ANAPC10: variants seen among roughly 807,000 people sequenced by gnomAD.
The protein encoded by ANAPC10 is anaphase-promoting complex subunit 10.
In ANAPC10, 12 loss-of-function variants were observed where a neutral mutation model predicts 22.0. That is an observed-to-expected ratio of 0.55 (90% CI 0.35 to 0.88). The LOEUF (loss-of-function observed/expected upper bound fraction) is 0.88, where lower values mean the gene tolerates loss of function less well. Ranked by LOEUF, ANAPC10 falls within the 40% of genes least tolerant of loss-of-function variation. The probability of loss-of-function intolerance (pLI) is 0.01; values close to 1 mark genes in which losing one functional copy is unlikely to be tolerated. For synonymous variants in ANAPC10, 65 were observed against 69.5 expected, an observed-to-expected ratio of 0.94 and a Z score of 0.32; for missense variants, 188 against 220.9, an observed-to-expected ratio of 0.85 and a Z score of 0.94.
chr4:144,996,155 G>A (rs1263086924), intron 4 of ANAPC10, among the ~76,000 whole-genome samples: 2 of 152,124 alleles, frequency 1.3e-5, no homozygotes, highest in Admixed American at 1.3e-4. Context: ...CCTGGATGTG[G>A]GGAAACAATA....
intron 4 of ANAPC10, among the ~76,000 whole-genome samples, chr4:145,050,265 T>A (rs186093848): frequency 5.3e-4 from 80 of 152,312 alleles, no homozygotes; most frequent in African/African-American, 1.8e-3. Context: ...AAGCATAGTG[T>A]TTTGAAATAA....
chr4:145,075,073 G>A (rs1745002841), intron 3 of ANAPC10, among the ~76,000 whole-genome samples: 1 of 151,902 alleles, frequency 6.6e-6, no homozygotes, highest in Non-Finnish European at 1.5e-5. Context: ...CTTTATCAGT[G>A]TTAGCAGGGG....
At chr4:145,058,976 C>T (rs1742477734) in intron 4 of ANAPC10, among the ~76,000 whole-genome samples, 1 of 152,078 alleles carries the variant, frequency 6.6e-6, no homozygotes, top group Non-Finnish European at 1.5e-5. Flanking sequence ...AGTTATGAAA[C>T]TACTTTTTTA....
intron 4 of ANAPC10, among the ~76,000 whole-genome samples, chr4:145,034,523 T>TTATATATATATATATATATATA (rs370113295): frequency 9.9e-4 from 91 of 91,544 alleles, no homozygotes; most frequent in African/African-American, 3.5e-3. Flanking sequence ...AAACTCTCCT[T>TTATATATATATATATATATATA]TATATATATA....
intron 2 of ANAPC10, among the ~76,000 whole-genome samples, chr4:145,092,462 C>T (rs1747819338): frequency 6.6e-6 from 1 of 152,044 alleles, no homozygotes; most frequent in South Asian, 2.1e-4. Context: ...ACAGATTGTC[C>T]CAACTGTAGT....
At chr4:145,037,413 C>T (rs1738745969) in intron 4 of ANAPC10, among the ~76,000 whole-genome samples, 1 of 151,474 alleles carries the variant, frequency 6.6e-6, no homozygotes, top group South Asian at 2.1e-4. Flanking sequence ...TACACCCAGC[C>T]CTATCACCAT....
intron 4 of ANAPC10, among the ~76,000 whole-genome samples, chr4:145,055,382 A>T (rs1337299882): frequency 6.6e-6 from 1 of 152,044 alleles, no homozygotes; most frequent in Admixed American, 6.5e-5. Context: ...AAATGGTGAA[A>T]CCCTGTCTAC....
At chr4:145,094,736 G>A (rs1748229210) in intron 2 of ANAPC10, among the ~76,000 whole-genome samples, 1 of 151,762 alleles carries the variant, frequency 6.6e-6, no homozygotes, top group Non-Finnish European at 1.5e-5. Context: ...TCTGGCAAAT[G>A]CCATGAACTC....
chr4:145,076,845 T>C (rs1040483576), intron 3 of ANAPC10, among the ~76,000 whole-genome samples: 2 of 152,204 alleles, frequency 1.3e-5, no homozygotes, highest in African/African-American at 4.8e-5. Flanking sequence ...ACACACCAAG[T>C]TGAGGAAAGA....
At chr4:145,082,235 C>T (rs374425497) in intron 2 of ANAPC10, among the ~76,000 whole-genome samples, 37 of 152,336 alleles carry the variant, frequency 2.4e-4, no homozygotes, top group East Asian at 1.4e-3. Flanking sequence ...TTGCAACCTC[C>T]GCCTCCCGGA....
At chr4:145,010,095 G>A (rs1560817833) in intron 4 of ANAPC10, among the ~76,000 whole-genome samples, 1 of 152,152 alleles carries the variant, frequency 6.6e-6, no homozygotes, top group African/African-American at 2.4e-5. Context: ...CTGGCCATCA[G>A]AGAAATGCAA....
chr4:145,065,569 G>T (rs1466265620), intron 3 of ANAPC10, among the ~76,000 whole-genome samples: 5 of 151,748 alleles, frequency 3.3e-5, no homozygotes, highest in Admixed American at 3.3e-4. Flanking sequence ...TGGCCTTGGA[G>T]AAAAAAATGG....
At chr4:145,040,925 A>G (rs1203487453) in intron 4 of ANAPC10, among the ~76,000 whole-genome samples, 1 of 152,212 alleles carries the variant, frequency 6.6e-6, no homozygotes, top group South Asian at 2.1e-4. Context: ...TTATATTATT[A>G]GTTAATATGC....
intron 4 of ANAPC10, among the ~76,000 whole-genome samples, chr4:145,063,293 T>A (rs1040123254): frequency 3.9e-5 from 6 of 152,242 alleles, no homozygotes; most frequent in Non-Finnish European, 7.4e-5. Context: ...ATAATTTTTT[T>A]AAAAACAATG....
At chr4:145,037,089 A>C (rs2127102854) in intron 4 of ANAPC10, among the ~76,000 whole-genome samples, 1 of 151,428 alleles carries the variant, frequency 6.6e-6, no homozygotes, top group East Asian at 1.9e-4. Context: ...GAGAGCAGGG[A>C]AACACTAAGG....
At chr4:145,045,109 T>C (rs961946567) in intron 4 of ANAPC10, among the ~76,000 whole-genome samples, 1 of 152,066 alleles carries the variant, frequency 6.6e-6, no homozygotes, top group African/African-American at 2.4e-5. Flanking sequence ...AAAAATAAAT[T>C]TGCATTTTAC....
chr4:145,035,657 T>G (rs994929110), intron 4 of ANAPC10, among the ~76,000 whole-genome samples: 6 of 152,226 alleles, frequency 3.9e-5, no homozygotes, highest in Non-Finnish European at 8.8e-5. Flanking sequence ...CAGTTCATCT[T>G]CATGGGTTCC....
chr4:145,062,470 G>A (rs770845090), intron 4 of ANAPC10, among the ~76,000 whole-genome samples: 1 of 152,068 alleles, frequency 6.6e-6, no homozygotes, highest in African/African-American at 2.4e-5. Flanking sequence ...AGCTGGGCAT[G>A]GTGGCGCATT....
intron 4 of ANAPC10, among the ~76,000 whole-genome samples, chr4:145,032,003 G>C (rs1737659186): frequency 6.6e-6 from 1 of 152,194 alleles, no homozygotes; most frequent in Non-Finnish European, 1.5e-5. Context: ...AGCAGGTCCG[G>C]AAGGCACAAG....
Sources: allele counts gnomAD v4.1 joint callset (sites outside exome capture counted in the v4.1 genomes callset), GRCh38; gene constraint gnomAD v4.1.1; transcripts MANE v1.5; gene names NCBI Gene and HGNC (gene_info 2026-07-23, HGNC 2026-07-21).